Variants in MTHFD2L observed in about 807,000 individuals in gnomAD.
MTHFD2L encodes bifunctional methylenetetrahydrofolate dehydrogenase/cyclohydrolase 2, mitochondrial.
MTHFD2L carries 29 observed loss-of-function variants against 34.9 expected under a neutral mutation model. The ratio of observed to expected loss-of-function variants is 0.83; its 90% CI spans 0.62 to 1.13. The LOEUF is 1.13. Ranked by LOEUF, MTHFD2L falls within the 50% of genes most tolerant of loss-of-function variation. The pLI, the probability that MTHFD2L is intolerant of heterozygous loss-of-function variation, is 0.00. For missense variants in MTHFD2L, 481 were observed against 446.5 expected, an observed-to-expected ratio of 1.08 and a Z score of -0.70; for synonymous variants, 167 against 155.7, an observed-to-expected ratio of 1.07 and a Z score of -0.54.
intron 7 of MTHFD2L, among the ~76,000 whole-genome samples, chr4:74,296,607 G>A (rs1177009605): frequency 2.0e-5 from 3 of 152,080 alleles, no homozygotes; most frequent in Non-Finnish European, 4.4e-5. Flanking sequence ...CCATACTACA[G>A]CAGTGAATTC....
At chr4:74,144,744 G>C (rs1723487259) in intron 1 of MTHFD2L, among the ~76,000 whole-genome samples, 1 of 152,026 alleles carries the variant, frequency 6.6e-6, no homozygotes, top group Admixed American at 6.6e-5. Flanking sequence ...TGTTGGCTTT[G>C]TTTTTTCTCT....
intron 6 of MTHFD2L, among the ~76,000 whole-genome samples, chr4:74,272,190 G>C (rs1193157984): frequency 1.3e-5 from 2 of 152,112 alleles, no homozygotes. Flanking sequence ...ATTTAATCTG[G>C]CAACTCCCCT....
chr4:74,294,859 AG>A (rs1749438132), intron 7 of MTHFD2L, among the ~76,000 whole-genome samples: 1 of 152,106 alleles, frequency 6.6e-6, no homozygotes, highest in Admixed American at 6.6e-5. Context: ...TCAGCCACAT[AG>A]GGGAGAAGAG....
chr4:74,300,573 A>C (rs1750176080), intron 7 of MTHFD2L, among the ~76,000 whole-genome samples: 1 of 152,090 alleles, frequency 6.6e-6, no homozygotes, highest in Non-Finnish European at 1.5e-5. Flanking sequence ...CTAACTTTTT[A>C]CTAAAAGTTA....
intron 6 of MTHFD2L, among the ~76,000 whole-genome samples, chr4:74,246,649 A>T (rs1252568673): frequency 1.3e-5 from 2 of 152,078 alleles, no homozygotes; most frequent in Non-Finnish European, 2.9e-5. Context: ...TCGAATTAAT[A>T]TTTGTATAAG....
chr4:74,178,502 C>G (rs1729486519), intron 3 of MTHFD2L, among the ~76,000 whole-genome samples: 1 of 151,944 alleles, frequency 6.6e-6, no homozygotes, highest in South Asian at 2.1e-4. Flanking sequence ...CTAGATGGCA[C>G]TGGTGATTTG....
chr4:74,116,311 A>C (rs944282878), intron 2 of MTHFD2L, among the ~76,000 whole-genome samples: 1 of 152,208 alleles, frequency 6.6e-6, no homozygotes, highest in African/African-American at 2.4e-5. Context: ...AATAAAATAC[A>C]TATCACTAAA....
intron 2 of MTHFD2L, among the ~76,000 whole-genome samples, chr4:74,115,726 T>A (rs1721645868): frequency 6.6e-6 from 1 of 152,234 alleles, no homozygotes; most frequent in African/African-American, 2.4e-5. Context: ...AAAGAAATAC[T>A]CGTGTATATT....
At chr4:74,248,256 GT>G (rs945384291) in intron 6 of MTHFD2L, among the ~76,000 whole-genome samples, 2 of 152,178 alleles carry the variant, frequency 1.3e-5, no homozygotes, top group African/African-American at 4.8e-5. Flanking sequence ...AGATTTTCTA[GT>G]TTATTTGCAT....
intron 1 of MTHFD2L, among the ~76,000 whole-genome samples, chr4:74,145,907 G>A (rs529921629): frequency 2.6e-5 from 4 of 152,170 alleles, no homozygotes; most frequent in South Asian, 2.1e-4. Context: ...GAGGCCTCCC[G>A]AGAAGTCGAA....
intron 5 of MTHFD2L, among the ~76,000 whole-genome samples, chr4:74,212,387 C>G (rs1736476591): frequency 6.6e-6 from 1 of 152,184 alleles, no homozygotes; most frequent in South Asian, 2.1e-4. Flanking sequence ...GATTCTGTTA[C>G]ATTGTGTCTT....
At chr4:74,153,544 T>C (rs1254231117), upstream of MTHFD2L, among the ~76,000 whole-genome samples, 2 of 152,208 alleles carry the variant, frequency 1.3e-5, no homozygotes, top group African/African-American at 4.8e-5. Context: ...AGGAATTCAA[T>C]ATTTGTTGAG....
At chr4:74,157,938 C>T, upstream of MTHFD2L, 6 of 849,090 alleles carry the variant, frequency 7.1e-6, no homozygotes, top group Non-Finnish European at 1.1e-5. Flanking sequence ...GCCCCGCCCC[C>T]TGCGGACCCG....
At chr4:74,293,493 C>T (rs923068323) in intron 7 of MTHFD2L, 1 of 980,610 alleles carries the variant, frequency 1.0e-6, no homozygotes, top group Non-Finnish European at 1.2e-6. Flanking sequence ...CCACAGGATG[C>T]CACGATAATG....
chr4:74,278,258 T>C (rs1365173801), intron 6 of MTHFD2L, among the ~76,000 whole-genome samples: 5 of 152,106 alleles, frequency 3.3e-5, no homozygotes, highest in African/African-American at 1.2e-4. Flanking sequence ...TAAAAATATA[T>C]TGGAAAATAT....
Position 74,301,699 on chromosome 4 carries a change from G to A in MTHFD2L, c.934G>A (p.Val312Ile). Residue 312 changes from valine to isoleucine, a missense_variant and splice_region_variant, in exon 8 of 8, where the codon GTT becomes ATT. By Grantham distance (29) the Val-to-Ile change is conservative (BLOSUM62 3). Transcript: ENST00000325278. ...KLVGDVDFEA[V>I]KKKAGFITPV... ...TGTTTGTTTTTTTTCCTCATCAGCT[G>A]TTAAAAAGAAAGCTGGCTTTATCAC... 2 of 1,566,448 alleles carry A rather than the reference G, an allele frequency of 1.3e-6. No homozygotes were observed. Among genetic ancestry groups the A allele is most frequent in the African/African-American group, 1.4e-5 (1 of 72,382 alleles).
intron 6 of MTHFD2L, among the ~76,000 whole-genome samples, chr4:74,235,111 C>T (rs555339751): frequency 5.3e-4 from 80 of 152,154 alleles, no homozygotes; most frequent in Non-Finnish European, 1.1e-3. Flanking sequence ...TTAGGAAAAA[C>T]CAGATATCAT....
At chr4:74,187,882 A>G (rs1343333604) in intron 3 of MTHFD2L, among the ~76,000 whole-genome samples, 1 of 151,908 alleles carries the variant, frequency 6.6e-6, no homozygotes, top group Non-Finnish European at 1.5e-5. Context: ...AAGAAAATGA[A>G]ACATATGTCC....
At chr4:74,115,101 G>C (rs996936107) in intron 2 of MTHFD2L, among the ~76,000 whole-genome samples, 1 of 152,172 alleles carries the variant, frequency 6.6e-6, no homozygotes, top group Non-Finnish European at 1.5e-5. Context: ...GATGGTATTA[G>C]GGGGAGGGCA....
Sources: allele counts gnomAD v4.1 joint callset (sites outside exome capture counted in the v4.1 genomes callset), GRCh38; gene constraint gnomAD v4.1.1; transcripts MANE v1.5; gene names NCBI Gene and HGNC (gene_info 2026-07-23, HGNC 2026-07-21).